The following NSMCE4A variants were observed in gnomAD, a reference collection of about 807,000 sequenced individuals.
NSMCE4A encodes NSE4A component of SMC5/6 complex, also known as non-structural maintenance of chromosomes element 4 homolog A.
NSMCE4A carries 40 observed loss-of-function variants against 47.9 expected under a neutral mutation model. That is an observed-to-expected ratio of 0.83 (90% CI 0.65 to 1.09). The LOEUF (loss-of-function observed/expected upper bound fraction) is 1.09, where lower values mean the gene tolerates loss of function less well. Among genes scored for constraint, NSMCE4A ranks in the 50% least tolerant of loss-of-function variants. The pLI is 0.00. For missense variants in NSMCE4A, 500 were observed against 507.0 expected (o/e 0.99, Z 0.13); for synonymous variants, 166 against 178.5 (o/e 0.93, Z 0.56).
intron 6 of NSMCE4A, chr10:121,962,109 TAAAAA>T (rs71022875): frequency 1.1e-3 from 327 of 294,018 alleles, no homozygotes; most frequent in South Asian, 1.9e-3. Context: ...GACTGTCTCC[TAAAAA>T]AAAAAAAAAA....
intron 3 of NSMCE4A, among the ~76,000 whole-genome samples, 180 bp downstream of exon 3, chr10:121,970,759 C>A (rs1952692491): frequency 6.6e-6 from 1 of 152,144 alleles, no homozygotes; most frequent in South Asian, 2.1e-4. Context: ...AAGCCCCCAC[C>A]CAAGATTCCA....
chr10:121,968,789 C>CTACA (rs1484432160), intron 3 of NSMCE4A, among the ~76,000 whole-genome samples: 1 of 152,168 alleles, frequency 6.6e-6, no homozygotes, highest in Non-Finnish European at 1.5e-5. Flanking sequence ...AAAAGAAAGG[C>CTACA]TACAAGAGCC....
At chr10:121,966,187 A>G (rs144129161) in intron 4 of NSMCE4A, 1 of 152,340 alleles carries the variant, frequency 6.6e-6, no homozygotes, top group Non-Finnish European at 1.5e-5. Context: ...AGAGATATCT[A>G]CCCAGACATG....
chr10:121,961,714 G>A (rs995276647), intron 6 of NSMCE4A, 197 bp from the exon 7 acceptor site: 8 of 475,710 alleles, frequency 1.7e-5, no homozygotes, highest in African/African-American at 1.0e-4. Flanking sequence ...CCACCTCTAA[G>A]AAGCTGTGCT....
At chr10:121,967,429 C>A in intron 4 of NSMCE4A, 1 of 485,744 alleles carries the variant, frequency 2.1e-6, no homozygotes, top group Non-Finnish European at 3.6e-6. Flanking sequence ...AATTCCTGAG[C>A]TCAGATGATC....
At chr10:121,972,850 A>G (rs1427767467) in intron 2 of NSMCE4A, among the ~76,000 whole-genome samples, 1 of 152,196 alleles carries the variant, frequency 6.6e-6, no homozygotes, top group African/African-American at 2.4e-5. Flanking sequence ...GGTCAAAGAA[A>G]TTGGAGAGCA....
Position 121,975,113 on chromosome 10 carries a change from T to C in NSMCE4A, c.53A>G (p.Asp18Gly). ...RGPEGRGRGR[D>G]PHRDRTRSRS... ...GGAGCGGGTGCGATCCCGATGCGGG[T>C]CGCGGCCCCGGCCCCGGCCCTCTGG... The change falls in exon 1 of 11, where the codon GAC (aspartate) becomes GGC (glycine). Residue 18 changes from aspartate to glycine, a missense_variant. Coordinates refer to ENST00000369023, the MANE Select transcript of NSMCE4A (RefSeq NM_017615.3). The C allele has an allele frequency of 3.5e-6, 5 of 1,428,398 alleles. No individual in the cohort carries two copies. Among genetic ancestry groups the C allele is most frequent in the Non-Finnish European group, 4.5e-6 (5 of 1,102,272 alleles). 88.5% of individuals were successfully genotyped at this position (1,428,398 alleles called of 1,614,324 possible). A position where few individuals can be genotyped will look rare whatever the true frequency, so the allele number is the denominator to read the frequency against.
chr10:121,974,549 G>A (rs1952780092), intron 1 of NSMCE4A: 6 of 1,016,526 alleles, frequency 5.9e-6, no homozygotes, highest in Non-Finnish European at 7.1e-6. Context: ...AGGACTGCCG[G>A]GCGCAATCAA....
chr10:121,972,814 A>G (rs928337682), intron 2 of NSMCE4A, among the ~76,000 whole-genome samples: 1 of 152,206 alleles, frequency 6.6e-6, no homozygotes, highest in African/African-American at 2.4e-5. Flanking sequence ...GCGGTAGACT[A>G]AGATGGGGAA....
At chr10:121,970,166 A>C (rs976540407) in intron 3 of NSMCE4A, among the ~76,000 whole-genome samples, 1 of 152,116 alleles carries the variant, frequency 6.6e-6, no homozygotes, top group Non-Finnish European at 1.5e-5. Context: ...GGTGAATAAA[A>C]CATAAAACCA....
chr10:121,959,021 G>A (rs1304390218), intron 10 of NSMCE4A, among the ~76,000 whole-genome samples: 1 of 152,130 alleles, frequency 6.6e-6, no homozygotes, highest in African/African-American at 2.4e-5. Context: ...TACCATGTTG[G>A]TCAGGCTGAT....
At chr10:121,971,471 C>T (rs1257327600) in intron 2 of NSMCE4A, among the ~76,000 whole-genome samples, 1 of 152,114 alleles carries the variant, frequency 6.6e-6, no homozygotes, top group African/African-American at 2.4e-5. Flanking sequence ...CGCGCCACTG[C>T]ACTCCAGCCT....
chr10:121,967,726 G>T lies in NSMCE4A; in HGVS notation c.582C>A (p.Val194=). The change falls in exon 4 of 11, where the codon GTC becomes GTA. Residue 194 remains valine, a synonymous_variant. Coordinates refer to ENST00000369023, the MANE Select transcript of NSMCE4A (RefSeq NM_017615.3). The part of the protein sequence containing the change: ...DEDSPDFEFI[V]YDSWKITGRT... ...TGCCTGTTATCTTCCAGGAGTCATA[G>T]ACTATGAATTCAAAATCAGGACTAT... The T allele has an allele frequency of 6.2e-7, 1 of 1,614,090 alleles. No individual in the cohort carries two copies.
chr10:121,963,265 A>C lies in NSMCE4A; in HGVS notation c.817T>G (p.Leu273Val). Reference protein sequence around the residue: ...TEKEVERILGLLQTYFREDPD... With the variant: ...TEKEVERILGVLQTYFREDPD... ...TCTTCTCGAAAATATGTCTGCAACA[A>C]TCCCAAGATTCTTTCTACTTCTTTC... is the stretch of plus-strand genomic sequence containing the variant. The change falls in exon 6 of 11, where the codon TTG becomes GTG. Residue 273 changes from leucine to valine, a missense_variant. Physicochemically the swap from Leu to Val is conservative, Grantham distance 32. Coordinates refer to ENST00000369023, the MANE Select transcript of NSMCE4A (RefSeq NM_017615.3). 1.2e-6 allele frequency: 2 copies of C among 1,611,430 alleles called. No individual in the cohort carries two copies. Among genetic ancestry groups the C allele is most frequent in the Non-Finnish European group, 1.7e-6 (2 of 1,177,906 alleles).
chr10:121,967,649 T>C lies in NSMCE4A; in HGVS notation c.653+6A>G. 2 of 1,601,654 alleles carry C rather than the reference T, an allele frequency of 1.2e-6. No individual in the cohort carries two copies. The highest frequency in any genetic ancestry group is 1.7e-6 in the Non-Finnish European group (2 of 1,177,118). ...CTGGTCTGTTGGATTTTTAAAATAA[T>C]CTTACAGAAAGTGGAATGTATGGGT... On this transcript the variant is annotated splice_donor_region_variant and intron_variant, in intron 4 of 10. Coordinates refer to ENST00000369023, the MANE Select transcript of NSMCE4A (RefSeq NM_017615.3).
At chr10:121,972,214 C>T (rs1201955666) in intron 2 of NSMCE4A, among the ~76,000 whole-genome samples, 1 of 152,122 alleles carries the variant, frequency 6.6e-6, no homozygotes, top group African/African-American at 2.4e-5. Context: ...CCCAGCTACT[C>T]GGGTGGCTGA....
At chr10:121,971,277 AAGGC>A (rs1169556778) in intron 2 of NSMCE4A, among the ~76,000 whole-genome samples, 2 of 151,984 alleles carry the variant, frequency 1.3e-5, no homozygotes, top group Non-Finnish European at 2.9e-5. Context: ...TTGGGAGGCC[AAGGC>A]GGGCGGATCA....
At chr10:121,959,440 T>C in intron 9 of NSMCE4A, 30 bp from the exon 10 acceptor site, 1 of 1,613,284 alleles carries the variant, frequency 6.2e-7, no homozygotes, top group South Asian at 1.1e-5. Flanking sequence ...ATTTAGGCAC[T>C]GGGCTTACTG....
chr10:121,975,157 C>T lies in NSMCE4A; in HGVS notation c.9G>A (p.Gly3=). 7.9e-6 allele frequency: 11 copies of T among 1,390,852 alleles called. No homozygotes were observed. Among genetic ancestry groups the T allele is most frequent in the Middle Eastern group, 2.6e-4 (1 of 3,800 alleles). The allele number at this position is 1,390,852 out of a possible 1,614,324, so 86.2% of individuals were successfully genotyped here. A position where few individuals can be genotyped will look rare whatever the true frequency, so the allele number is the denominator to read the frequency against. Residue 3 remains glycine (G), a synonymous_variant, in exon 1 of 11, where the codon GGG becomes GGA. Transcript: ENST00000369023. MS[G]DSSGRGPEGR... ...CCTCTGGCCCGCGGCCGCTGCTGTCCCCAGACATAGCGCCAATTCACCGTG... is the reference window on the plus strand; with the variant it reads ...CCTCTGGCCCGCGGCCGCTGCTGTCTCCAGACATAGCGCCAATTCACCGTG...
Sources: gnomAD v4.1 joint callset for allele counts (sites outside exome capture counted in the v4.1 genomes callset) on GRCh38, gnomAD v4.1.1 for gene constraint, MANE v1.5 for transcripts, NCBI Gene and HGNC (gene_info 2026-07-23, HGNC 2026-07-21) for gene names.